Variants in SLC2A14 observed in about 807,000 individuals in gnomAD.
SLC2A14 encodes solute carrier family 2, facilitated glucose transporter member 14.
Under a neutral mutation model 43.0 loss-of-function variants are expected in SLC2A14, and 13 were observed. The observed-to-expected ratio is 0.30, with a 90% CI of 0.20 to 0.48. The LOEUF (loss-of-function observed/expected upper bound fraction) is 0.48. Ranked by LOEUF, SLC2A14 falls within the 20% of genes least tolerant of loss-of-function variation. The pLI is 0.99. For synonymous variants in SLC2A14, 190 were observed against 233.8 expected (o/e 0.81, Z 1.71); for missense variants, 428 against 620.4 (o/e 0.69, Z 3.29).
At chr12:7,870,286 T>C (rs907971922) in intron 1 of SLC2A14, among the ~76,000 whole-genome samples, 5 of 152,152 alleles carry the variant, frequency 3.3e-5, no homozygotes, top group African/African-American at 9.7e-5. Context: ...TTGGATTAGG[T>C]AATCTTGCTG....
chr12:7,867,139 C>T (rs1029647883), intron 2 of SLC2A14, among the ~76,000 whole-genome samples: 1 of 151,774 alleles, frequency 6.6e-6, no homozygotes, highest in Non-Finnish European at 1.5e-5. Context: ...ATTAGCCGGG[C>T]GTGGTGGCGG....
intron 5 of SLC2A14, among the ~76,000 whole-genome samples, chr12:7,829,260 T>C (rs1864785685): frequency 1.3e-5 from 2 of 151,882 alleles, no homozygotes; most frequent in South Asian, 2.1e-4. Flanking sequence ...TATTTTACCA[T>C]TGAAAAAAAT....
chr12:7,817,407 G>A (rs75661828), intron 10 of SLC2A14, among the ~76,000 whole-genome samples: 7,632 of 151,762 alleles, frequency 0.05, 633 homozygotes, highest in African/African-American at 0.17. Context: ...GAGCCACCTC[G>A]CCCAGCCTGA....
chr12:7,862,918 A>G (rs866644280), intron 2 of SLC2A14, among the ~76,000 whole-genome samples: 5 of 152,052 alleles, frequency 3.3e-5, no homozygotes, highest in Non-Finnish European at 4.4e-5. Flanking sequence ...AAACGCACCA[A>G]TCAGCCCCCT....
At position 7,821,236 on chromosome 12, in the gene SLC2A14, G is replaced by A. The variant is rs757148167; in HGVS notation, c.954C>T (p.Ile318=). The change falls in exon 8 of 11, where the codon ATC becomes ATT. Residue 318 remains isoleucine, a synonymous_variant. Coordinates refer to ENST00000431042, the MANE Select transcript of SLC2A14 (RefSeq NM_001286234.2). ...ATISAGVVNT[I]FTLLSLFLVE... ...TCCAACTTACAGAAAGTAAAGTGAA[G>A]ATAGTATTAACCACACCCGCGCTGA... 1.9e-6 allele frequency: 3 copies of A among 1,613,458 alleles called. No individual in the cohort carries two copies. In the Admixed American group the frequency reaches 5.0e-5, roughly 27 times the overall value.
At chr12:7,826,850 C>CT (rs1423308830) in intron 7 of SLC2A14, among the ~76,000 whole-genome samples, 259 of 10,088 alleles carry the variant, frequency 0.026, 17 homozygotes, top group Middle Eastern at 0.14. Flanking sequence ...TCCTTCCTTC[C>CT]TTCCTTTCTT....
At chr12:7,867,306 A>ACC (rs797021024) in intron 2 of SLC2A14, among the ~76,000 whole-genome samples, 1 of 129,886 alleles carries the variant, frequency 7.7e-6, no homozygotes, top group African/African-American at 2.8e-5. Flanking sequence ...AAAAACAAAA[A>ACC]AAACATTCGT....
intron 2 of SLC2A14, among the ~76,000 whole-genome samples, chr12:7,845,945 T>C (rs971437208): frequency 1.3e-5 from 2 of 151,208 alleles, no homozygotes; most frequent in African/African-American, 4.9e-5. Context: ...TACAAAAAAT[T>C]AGCTGGGCGT....
rs1555121668 is a variant in SLC2A14 at position 7,826,861 on chromosome 12, T to TTTTTTC, written c.864+633_864+634insGAAAAA. On this transcript the variant is annotated intron_variant, in intron 7 of 10. Transcript: ENST00000431042. Reference sequence around the variant, plus strand: ...TCCTTCCTTCCTTCCTTCCTTTCTTTTTTCTTTCTTTCTTTCTTTCTTTCT... The same window carrying TTTTTTC: ...TCCTTCCTTCCTTCCTTCCTTTCTTTTTTTTCTTTCTTTCTTTCTTTCTTTCTTTCT... Among the ~76,000 whole-genome samples, 341 of 60,306 alleles carry TTTTTTC rather than the reference T, an allele frequency of 5.7e-3. 6 individuals are homozygous for TTTTTTC. Among genetic ancestry groups the TTTTTTC allele is most frequent in the Non-Finnish European group, 7.6e-3 (238 of 31,280 alleles). The allele number at this position is 60,306 out of a possible 152,430, so 39.6% of individuals were successfully genotyped here. A position where few individuals can be genotyped will look rare whatever the true frequency, so the allele number is the denominator to read the frequency against.
At chr12:7,831,423 C>T in intron 4 of SLC2A14, 181 bp downstream of exon 4, 4 of 850,584 alleles carry the variant, frequency 4.7e-6, no homozygotes, top group Admixed American at 2.9e-5. Flanking sequence ...TGGGAGCTCT[C>T]CAGGGTAGTA....
exon 1 of SLC2A14, chr12:7,891,113 T>C (rs753109554): frequency 1.7e-5 from 26 of 1,534,010 alleles, no homozygotes; most frequent in African/African-American, 4.1e-5. Flanking sequence ...CTCTCAACAG[T>C]TGGAGTCTTT....
At chr12:7,842,645 C>T (rs764586055) in intron 2 of SLC2A14, among the ~76,000 whole-genome samples, 1 of 151,932 alleles carries the variant, frequency 6.6e-6, no homozygotes, top group Non-Finnish European at 1.5e-5. Context: ...CTACCACCCC[C>T]CTCCCCCCAC....
chr12:7,882,482 T>TCCACTCCAGCCTGGGCAACGGAGCGAAA (rs1945601622), intron 1 of SLC2A14, among the ~76,000 whole-genome samples: 1 of 152,008 alleles, frequency 6.6e-6, no homozygotes, highest in African/African-American at 2.4e-5. Flanking sequence ...ACAGCGCCCC[T>TCCACTCCAGCCTGGGCAACGGAGCGAAA]CCACTCCAGC....
upstream of SLC2A14, among the ~76,000 whole-genome samples, chr12:7,874,928 T>G (rs1309130284): frequency 2.4e-5 from 1 of 41,056 alleles, no homozygotes; most frequent in Non-Finnish European, 4.0e-5. Flanking sequence ...AATATATATT[T>G]ATATATAATT....
intron 7 of SLC2A14, among the ~76,000 whole-genome samples, chr12:7,825,980 T>G (rs189261761): frequency 6.6e-6 from 1 of 151,284 alleles, no homozygotes; most frequent in Non-Finnish European, 1.5e-5. Flanking sequence ...TTTTTTTTTT[T>G]AAACAGGCAC....
chr12:7,881,389 CCT>C (rs1945568944), intron 1 of SLC2A14, among the ~76,000 whole-genome samples: 1 of 151,770 alleles, frequency 6.6e-6, no homozygotes, highest in Non-Finnish European at 1.5e-5. Context: ...GCCGGCCGGC[CCT>C]GGTGGCCCCG....
chr12:7,871,967 CAA>C (rs1314738806), intron 1 of SLC2A14: 37 of 928,414 alleles, frequency 4.0e-5, no homozygotes, highest in Non-Finnish European at 4.6e-5. Flanking sequence ...GGAAAAAAAA[CAA>C]AAAAAAGAAA....
At chr12:7,826,891 TTCTTTCTTTCTTTCTTTC>T (rs1413112490) in intron 7 of SLC2A14, among the ~76,000 whole-genome samples, 6 of 54,246 alleles carry the variant, frequency 1.1e-4, no homozygotes, top group Middle Eastern at 0.018. Flanking sequence ...CTTTCTTTCT[TTCTTTCTTTCTTTCTTTC>T]TTTCTTTTTC....
intron 7 of SLC2A14, among the ~76,000 whole-genome samples, chr12:7,826,861 T>TCTTTTCTTTC (rs1555121667): frequency 1.5e-4 from 9 of 60,266 alleles, no homozygotes; most frequent in East Asian, 4.6e-4. Flanking sequence ...TTCCTTTCTT[T>TCTTTTCTTTC]TTTCTTTCTT....
Sources: allele counts gnomAD v4.1 joint callset (sites outside exome capture counted in the v4.1 genomes callset), GRCh38; gene constraint gnomAD v4.1.1; transcripts MANE v1.5; gene names NCBI Gene and HGNC (gene_info 2026-07-23, HGNC 2026-07-21).